The following NPAS3 variants were observed in gnomAD, a reference collection of about 807,000 sequenced individuals.
NPAS3 encodes neuronal PAS domain-containing protein 3.
In NPAS3, 14 loss-of-function variants were observed where a neutral mutation model predicts 73.1. The ratio of observed to expected loss-of-function variants is 0.19; its 90% confidence interval spans 0.13 to 0.30. The LOEUF (loss-of-function observed/expected upper bound fraction) is 0.30. NPAS3 is among the 10% of genes least tolerant of loss of function. The probability of loss-of-function intolerance (pLI) is 1.00; values close to 1 mark genes in which losing one functional copy is unlikely to be tolerated. For synonymous variants in NPAS3, 620 were observed against 541.5 expected (o/e 1.14, Z -2.01); for missense variants, 1,096 against 1,250.0 (o/e 0.88, Z 1.86).
chr14:33,181,234 G>A (rs1314618163), intron 2 of NPAS3, among the ~76,000 whole-genome samples: 1 of 152,196 alleles, frequency 6.6e-6, no homozygotes, highest in East Asian at 1.9e-4. Context: ...GAAGTATTGT[G>A]CAGTTGTGTA....
chr14:33,440,819 G>C (rs1006464088), intron 4 of NPAS3, among the ~76,000 whole-genome samples: 2 of 151,916 alleles, frequency 1.3e-5, no homozygotes, highest in Non-Finnish European at 2.9e-5. Flanking sequence ...CTTCAACCCC[G>C]GGGGGCAGAG....
chr14:33,302,919 T>C (rs776390484), intron 3 of NPAS3, among the ~76,000 whole-genome samples: 2 of 152,118 alleles, frequency 1.3e-5, no homozygotes, highest in African/African-American at 2.4e-5. Context: ...CTCTTTTTTT[T>C]TTTTAATGCC....
At chr14:33,390,808 A>G (rs1023589293) in intron 4 of NPAS3, among the ~76,000 whole-genome samples, 3 of 152,288 alleles carry the variant, frequency 2.0e-5, no homozygotes, top group Middle Eastern at 3.4e-3. Flanking sequence ...TATATTAAGA[A>G]AAGAGATACT....
intron 4 of NPAS3, among the ~76,000 whole-genome samples, chr14:33,537,418 T>C (rs796764551): frequency 1.8e-4 from 28 of 152,148 alleles, no homozygotes; most frequent in South Asian, 8.3e-4. Context: ...AATGGTAAAG[T>C]GGTAAGTGGA....
At chr14:33,583,487 A>T (rs567078721) in intron 5 of NPAS3, 3 of 152,328 alleles carry the variant, frequency 2.0e-5, no homozygotes, top group South Asian at 2.1e-4. Flanking sequence ...TCAGTAAACG[A>T]TATATGTAAT....
chr14:33,546,690 G>T (rs1244704013), intron 4 of NPAS3, among the ~76,000 whole-genome samples: 1 of 152,180 alleles, frequency 6.6e-6, no homozygotes, highest in Non-Finnish European at 1.5e-5. Context: ...CCAATATAAA[G>T]ACTTGCCTTT....
chr14:32,966,170 T>C (rs2037149985), intron 1 of NPAS3, among the ~76,000 whole-genome samples: 1 of 152,096 alleles, frequency 6.6e-6, no homozygotes, highest in African/African-American at 2.4e-5. Context: ...GAAATACCAA[T>C]GAGATTCTTT....
chr14:33,568,423 T>TG (rs2056067327), intron 5 of NPAS3, among the ~76,000 whole-genome samples: 1 of 152,192 alleles, frequency 6.6e-6, no homozygotes, highest in South Asian at 2.1e-4. Context: ...TATTTTATTA[T>TG]GCAAAGTTAG....
At chr14:33,373,115 G>T (rs2046164463) in intron 4 of NPAS3, among the ~76,000 whole-genome samples, 2 of 152,052 alleles carry the variant, frequency 1.3e-5, no homozygotes, top group African/African-American at 4.8e-5. Context: ...ATTAACTACT[G>T]GAATGACTTT....
intron 3 of NPAS3, among the ~76,000 whole-genome samples, chr14:33,319,009 C>T (rs1436039094): frequency 6.6e-6 from 1 of 152,080 alleles, no homozygotes; most frequent in African/African-American, 2.4e-5. Flanking sequence ...TCATGGTATG[C>T]AGATTGGCCG....
chr14:33,421,358 AT>A (rs1447324890), intron 4 of NPAS3, among the ~76,000 whole-genome samples: 2 of 151,898 alleles, frequency 1.3e-5, no homozygotes, highest in Non-Finnish European at 2.9e-5. Flanking sequence ...CAACAAAGGA[AT>A]TTTGCCTAGT....
intron 2 of NPAS3, among the ~76,000 whole-genome samples, chr14:33,185,716 A>G (rs17555271): frequency 0.031 from 4,707 of 152,236 alleles, 99 homozygotes; most frequent in Non-Finnish European, 0.047. Context: ...AGTGGACCTT[A>G]TTGTAATACT....
Position 33,261,523 on chromosome 14 carries a change from ATATG to A in NPAS3, c.385+46101_385+46104del, listed in dbSNP as rs1391385266. 7.2e-5 allele frequency among the ~76,000 whole-genome samples: 11 copies of A among 152,246 alleles called. No homozygotes were observed. The South Asian group carries it at 8.3e-4, about 11-fold the overall frequency. ...AAACAATTATACCAGTAAAAAATAT[ATATG>A]TATTTATTTTTATATGTACACTATT... On this transcript the variant is annotated intron_variant, in intron 3 of 11. Transcript: ENST00000356141.
At chr14:33,582,165 T>C (rs1010214963) in intron 5 of NPAS3, 2 of 152,236 alleles carry the variant, frequency 1.3e-5, no homozygotes, top group African/African-American at 4.8e-5. Flanking sequence ...TCCAGAAAGA[T>C]GGTACAAATT....
chr14:33,169,182 A>G lies in NPAS3; in HGVS notation c.141-46000A>G, dbSNP rs552079479. 1.6e-4 allele frequency among the ~76,000 whole-genome samples: 25 copies of G among 152,332 alleles called. No homozygotes were observed. In the South Asian group the frequency reaches 5.2e-3, roughly 32 times the overall value. On this transcript the variant is annotated intron_variant, in intron 2 of 11. Transcript: ENST00000356141. ...CTAAATACTCTTTTATTTGAGGGCCACATTTTGTTCACTGCCATGTGGCTG... is the reference window on the plus strand; with the variant it reads ...CTAAATACTCTTTTATTTGAGGGCCGCATTTTGTTCACTGCCATGTGGCTG...
chr14:33,336,030 T>G (rs2044210167), intron 3 of NPAS3, among the ~76,000 whole-genome samples: 1 of 152,212 alleles, frequency 6.6e-6, no homozygotes, highest in African/African-American at 2.4e-5. Flanking sequence ...CTTTCTAAAG[T>G]CATCAGATCA....
At chr14:33,401,695 T>A (rs2047451902) in intron 4 of NPAS3, among the ~76,000 whole-genome samples, 1 of 152,066 alleles carries the variant, frequency 6.6e-6, no homozygotes, top group African/African-American at 2.4e-5. Flanking sequence ...ATAAAATATA[T>A]CTATTCATTT....
intron 3 of NPAS3, among the ~76,000 whole-genome samples, chr14:33,325,443 C>T (rs1264755919): frequency 1.3e-5 from 2 of 151,986 alleles, no homozygotes; most frequent in Admixed American, 6.6e-5. Context: ...GTCAGGATTT[C>T]GAGGCCAGCC....
chr14:33,324,128 T>C (rs1375557462), intron 3 of NPAS3, among the ~76,000 whole-genome samples: 2 of 152,202 alleles, frequency 1.3e-5, no homozygotes, highest in African/African-American at 4.8e-5. Context: ...AAATTAGGAA[T>C]GACAGTTGCC....
Sources: gnomAD v4.1 joint callset for allele counts (sites outside exome capture counted in the v4.1 genomes callset) on GRCh38, gnomAD v4.1.1 for gene constraint, MANE v1.5 for transcripts, NCBI Gene and HGNC (gene_info 2026-07-23, HGNC 2026-07-21) for gene names.